The following PPP2R2C variants were observed in gnomAD, a reference collection of about 807,000 sequenced individuals.
PPP2R2C encodes protein phosphatase 2, regulatory subunit B, gamma.
Under a neutral mutation model 45.3 loss-of-function variants are expected in PPP2R2C, and 10 were observed. The ratio of observed to expected loss-of-function variants is 0.22; its 90% CI spans 0.14 to 0.37. PPP2R2C has a LOEUF of 0.37. PPP2R2C is among the 10% of genes least tolerant of loss of function. PPP2R2C has a pLI of 1.00. For synonymous variants in PPP2R2C, 257 were observed against 245.4 expected (o/e 1.05, Z -0.44); for missense variants, 308 against 619.7 (o/e 0.50, Z 5.34).
intron 2 of PPP2R2C, among the ~76,000 whole-genome samples, chr4:6,491,214 G>A (rs1393046293): frequency 1.3e-5 from 2 of 152,212 alleles, no homozygotes; most frequent in African/African-American, 4.8e-5. Flanking sequence ...GTGAATTTGT[G>A]GATGAATGGA....
rs555074687 is a variant in PPP2R2C at position 6,322,665 on chromosome 4, A to C, written c.*637T>G. 6.6e-6 allele frequency: 1 copy of C among 152,370 alleles called. No individual in the cohort carries two copies. Among genetic ancestry groups the C allele is most frequent in the African/African-American group, 2.4e-5 (1 of 41,578 alleles). The allele number at this position is 152,370 out of a possible 1,614,324, so 9.4% of individuals were successfully genotyped here. ...CTCGGGAAACCGCACCAGACCTGGG[A>C]CCTGGGATGTTTCAAGACATTCAGA... On this transcript the variant is annotated 3_prime_UTR_variant, in exon 9 of 9. Coordinates refer to ENST00000382599, the MANE Select transcript of PPP2R2C (RefSeq NM_020416.4). The surrounding 1 kb of genome is among the most constrained non-coding windows in gnomAD (Gnocchi z 7.8).
chr4:6,481,978 CAAAAAAAAAAAA>C (rs59905632), intron 2 of PPP2R2C, among the ~76,000 whole-genome samples: 1 of 81,152 alleles, frequency 1.2e-5, no homozygotes, highest in African/African-American at 5.2e-5. Context: ...GACTCCGTCT[CAAAAAAAAAAAA>C]AAAAAAAAAA....
chr4:6,393,962 C>T (rs553493841), intron 1 of PPP2R2C, among the ~76,000 whole-genome samples: 1 of 152,336 alleles, frequency 6.6e-6, no homozygotes, highest in Non-Finnish European at 1.5e-5. Context: ...AGCCTGAGGC[C>T]AGCAGCTGGC....
intron 1 of PPP2R2C, among the ~76,000 whole-genome samples, chr4:6,415,523 G>T (rs911488952): frequency 2.6e-5 from 4 of 152,178 alleles, no homozygotes; most frequent in African/African-American, 9.7e-5. Flanking sequence ...GATCCAGGCC[G>T]AGGGGAACCT....
intron 2 of PPP2R2C, among the ~76,000 whole-genome samples, chr4:6,527,278 G>A (rs1009087991): frequency 8.5e-5 from 13 of 152,288 alleles, no homozygotes; most frequent in African/African-American, 2.9e-4. Flanking sequence ...GGTTTACCCC[G>A]CTAGAAGGAA....
At chr4:6,525,281 T>C (rs1198402062) in intron 2 of PPP2R2C, among the ~76,000 whole-genome samples, 1 of 152,088 alleles carries the variant, frequency 6.6e-6, no homozygotes, top group Admixed American at 6.5e-5. Flanking sequence ...GGCATGTGCC[T>C]GTAATCCCAG....
chr4:6,411,779 C>T (rs995483684), intron 1 of PPP2R2C, among the ~76,000 whole-genome samples: 1 of 152,038 alleles, frequency 6.6e-6, no homozygotes, highest in Non-Finnish European at 1.5e-5. Context: ...GTCTCAATCT[C>T]CTGACCTCGT....
Position 6,323,014 on chromosome 4 carries a change from C to A in PPP2R2C, c.*288G>T. 1 of 313,428 alleles carries A rather than the reference C, an allele frequency of 3.2e-6. No individual in the cohort carries two copies. Among genetic ancestry groups the A allele is most frequent in the Non-Finnish European group, 5.8e-6 (1 of 171,540 alleles). The allele number at this position is 313,428 out of a possible 1,614,324, so 19.4% of individuals were successfully genotyped here. A position where few individuals can be genotyped will look rare whatever the true frequency, so the allele number is the denominator to read the frequency against. ...ACAGGAAGGGACGTGAATGAAAGAA[C>A]CCTGAACTGTAAGACTCCACAGTCA... is the stretch of plus-strand genomic sequence containing the variant. On this transcript the variant is annotated 3_prime_UTR_variant, in exon 9 of 9. Coordinates refer to ENST00000382599, the MANE Select transcript of PPP2R2C (RefSeq NM_020416.4).
At chr4:6,343,115 T>A (rs892721047) in intron 6 of PPP2R2C, among the ~76,000 whole-genome samples, 4 of 152,210 alleles carry the variant, frequency 2.6e-5, no homozygotes, top group African/African-American at 9.7e-5. Context: ...AACAGCCATT[T>A]GTGTTCAGAT....
At chr4:6,352,363 C>T (rs542031799) in intron 5 of PPP2R2C, among the ~76,000 whole-genome samples, 2 of 152,304 alleles carry the variant, frequency 1.3e-5, no homozygotes, top group South Asian at 4.1e-4. Context: ...GCAGGTGGCC[C>T]CACCCCAGCT....
intron 2 of PPP2R2C, chr4:6,380,322 G>C (rs113733866): frequency 2.0e-5 from 3 of 152,354 alleles, no homozygotes; most frequent in African/African-American, 7.2e-5. Context: ...TTGTCCCGAG[G>C]CTCTTTCAGT....
intron 5 of PPP2R2C, among the ~76,000 whole-genome samples, chr4:6,358,114 C>A (rs1713382846): frequency 2.0e-5 from 3 of 152,156 alleles, no homozygotes; most frequent in Admixed American, 2.0e-4. Context: ...ACCAAAACAG[C>A]ATGGTACTGG....
chr4:6,499,893 G>A (rs908773223), intron 2 of PPP2R2C, among the ~76,000 whole-genome samples: 5 of 151,998 alleles, frequency 3.3e-5, no homozygotes, highest in South Asian at 2.1e-4. Context: ...TCCCCACCAA[G>A]CCACTCTCCT....
At chr4:6,366,895 G>A (rs1247786643) in intron 5 of PPP2R2C, among the ~76,000 whole-genome samples, 2 of 152,168 alleles carry the variant, frequency 1.3e-5, no homozygotes, top group Admixed American at 6.5e-5. Context: ...AGGGGAACCC[G>A]TGAGAGTTTT....
chr4:6,433,839 G>C (rs565300846), intron 1 of PPP2R2C, among the ~76,000 whole-genome samples: 1 of 152,336 alleles, frequency 6.6e-6, no homozygotes, highest in African/African-American at 2.4e-5. Flanking sequence ...ACAGCGAGTA[G>C]GCAGCCCAGT....
intron 1 of PPP2R2C, among the ~76,000 whole-genome samples, chr4:6,413,528 C>A (rs1325858498): frequency 6.6e-6 from 1 of 152,212 alleles, no homozygotes; most frequent in East Asian, 1.9e-4. Context: ...ATTAAACCTG[C>A]CGGGCAGATG....
chr4:6,547,423 G>A (rs1034020465), intron 1 of PPP2R2C, among the ~76,000 whole-genome samples: 8 of 151,672 alleles, frequency 5.3e-5, no homozygotes, highest in East Asian at 1.9e-4. Context: ...TCTCGCCCTC[G>A]ACCTCACTGG....
chr4:6,526,831 T>C (rs1036934357), intron 2 of PPP2R2C, among the ~76,000 whole-genome samples: 3 of 152,082 alleles, frequency 2.0e-5, no homozygotes, highest in Non-Finnish European at 4.4e-5. Context: ...AAATGCAAAC[T>C]CAACACCTCC....
rs142144237 is a variant in PPP2R2C, at chr4:6,364,612, C to T, written c.625+7911G>A. Among the ~76,000 whole-genome samples, 211 of 152,228 alleles carry T rather than the reference C, an allele frequency of 1.4e-3. 1 individual carries two copies. The highest frequency in any genetic ancestry group is 4.4e-3 in the African/African-American group (182 of 41,536). ...GCCCTAAAGGCTTCCCAGATGTCATCGTAGCACCCAGTCCTCAAGCAGCCG... is the reference window on the plus strand; with the variant it reads ...GCCCTAAAGGCTTCCCAGATGTCATTGTAGCACCCAGTCCTCAAGCAGCCG... On this transcript the variant is annotated intron_variant, in intron 5 of 8. Transcript: ENST00000382599. The surrounding 1 kb of genome is among the most constrained non-coding windows in gnomAD (Gnocchi z 5.3).
Sources: allele counts gnomAD v4.1 joint callset (sites outside exome capture counted in the v4.1 genomes callset), GRCh38; gene constraint gnomAD v4.1.1; non-coding constraint Gnocchi (gnomAD v3.1); transcripts MANE v1.5; gene names NCBI Gene and HGNC (gene_info 2026-07-23, HGNC 2026-07-21).